The following AFF2 variants were observed in gnomAD, a reference collection of about 807,000 sequenced individuals.
AFF2 encodes ALF transcription elongation factor 2.
Under a neutral mutation model 76.9 loss-of-function variants are expected in AFF2, and 14 were observed. The ratio of observed to expected loss-of-function variants is 0.18; its 90% CI spans 0.12 to 0.28. The LOEUF (loss-of-function observed/expected upper bound fraction) is 0.28, where lower values mean the gene tolerates loss of function less well. Among genes scored for constraint, AFF2 ranks in the 10% least tolerant of loss-of-function variants. AFF2 has a pLI of 1.00. For synonymous variants in AFF2, 398 were observed against 366.7 expected (o/e 1.09, Z -0.98); for missense variants, 868 against 1,001.1 (o/e 0.87, Z 1.79).
chrX:148,865,680 G>T (rs1345384682), intron 7 of AFF2, among the ~76,000 whole-genome samples: 1 of 112,106 alleles, frequency 8.9e-6, no homozygotes, highest in Admixed American at 9.5e-5. Context: ...TTTAAAAAAT[G>T]AGGCAGAGTG....
chrX:148,987,093 G>A (rs1173558843), intron 19 of AFF2, among the ~76,000 whole-genome samples: 2 of 110,926 alleles, frequency 1.8e-5, no homozygotes, highest in Admixed American at 1.9e-4. Flanking sequence ...GTATGGGGTG[G>A]TAATAATCTC....
rs781803440 is a variant in AFF2 at position 148,592,735 on chromosome X, G to A, written c.48-59264G>A. Among the ~76,000 whole-genome samples, 13 of 111,716 alleles carry A rather than the reference G, an allele frequency of 1.2e-4. No individual in the cohort carries two copies. In the South Asian group the frequency reaches 4.8e-3, roughly 41 times the overall value. On this transcript the variant is annotated intron_variant, in intron 1 of 20. Transcript: ENST00000370460. Reference sequence around the variant, plus strand: ...TTCATTAGGGCACTGGCCTACTCCTGTGAGCTAGCTTGATGGGGTTAGGCC... The same window carrying A: ...TTCATTAGGGCACTGGCCTACTCCTATGAGCTAGCTTGATGGGGTTAGGCC...
At chrX:148,737,436 G>T (rs2055298393) in intron 3 of AFF2, among the ~76,000 whole-genome samples, 1 of 111,652 alleles carries the variant, frequency 9.0e-6, no homozygotes, top group Non-Finnish European at 1.9e-5. Flanking sequence ...GTGGTGTATA[G>T]CAGAGCTACT....
chrX:148,618,660 G>T (rs1267317798), intron 1 of AFF2, among the ~76,000 whole-genome samples: 5 of 111,512 alleles, frequency 4.5e-5, no homozygotes, highest in African/African-American at 1.6e-4. Flanking sequence ...GCTTTATGAT[G>T]ACATCAGCAG....
At chrX:148,878,513 G>A (rs2071060219) in intron 7 of AFF2, among the ~76,000 whole-genome samples, 1 of 111,546 alleles carries the variant, frequency 9.0e-6, no homozygotes, top group African/African-American at 3.3e-5. Flanking sequence ...CAAATACCAA[G>A]CCTCGTATAT....
chrX:148,588,889 C>A (rs2053495209), intron 1 of AFF2, among the ~76,000 whole-genome samples: 1 of 111,645 alleles, frequency 9.0e-6, no homozygotes, highest in Non-Finnish European at 1.9e-5. Context: ...TCTCCATGTT[C>A]ACTTTAGAGA....
chrX:148,733,488 G>T (rs1236979585), intron 3 of AFF2, among the ~76,000 whole-genome samples: 4 of 110,899 alleles, frequency 3.6e-5, no homozygotes, highest in Non-Finnish European at 7.5e-5. Flanking sequence ...CTGTGTTAGT[G>T]CTCTGGAAGT....
At chrX:148,703,522 A>T (rs1437307212) in intron 3 of AFF2, among the ~76,000 whole-genome samples, 1 of 112,137 alleles carries the variant, frequency 8.9e-6, no homozygotes, top group African/African-American at 3.2e-5. Flanking sequence ...TTAAAACAGT[A>T]GGTTTATTCT....
chrX:148,935,568 CAG>C (rs1312008224), intron 9 of AFF2, among the ~76,000 whole-genome samples: 1 of 111,425 alleles, frequency 9.0e-6, no homozygotes, highest in African/African-American at 3.3e-5. Context: ...CAACACATAC[CAG>C]ACCTTCCTGA....
chrX:148,940,960 A>G lies in AFF2; in HGVS notation c.1398-12620A>G, dbSNP rs1473379877. On this transcript the variant is annotated intron_variant, in intron 9 of 20. Coordinates refer to ENST00000370460, the MANE Select transcript of AFF2 (RefSeq NM_002025.4). ...AGATTTTCAGGCAGACTAAAGATCT[A>G]GTATTTCCTATGCTGTCATTCAAAA... is the stretch of plus-strand genomic sequence containing the variant. Among the ~76,000 whole-genome samples, 6 of 112,049 alleles carry G rather than the reference A, an allele frequency of 5.4e-5. No homozygotes were observed. In the Admixed American group the frequency reaches 5.7e-4, roughly 11 times the overall value.
At chrX:148,611,332 G>A (rs1557249478) in intron 1 of AFF2, among the ~76,000 whole-genome samples, 1 of 112,168 alleles carries the variant, frequency 8.9e-6, no homozygotes, top group Non-Finnish European at 1.9e-5. Context: ...AGATAGTATG[G>A]TCTAATGGTT....
intron 4 of AFF2, among the ~76,000 whole-genome samples, chrX:148,831,920 TAC>T (rs1279921637): frequency 1.8e-5 from 2 of 111,447 alleles, no homozygotes; most frequent in East Asian, 5.6e-4. Context: ...CACACACACA[TAC>T]ACACACACAC....
intron 1 of AFF2, among the ~76,000 whole-genome samples, chrX:148,645,360 A>G (rs921739012): frequency 8.9e-6 from 1 of 112,430 alleles, no homozygotes; most frequent in Middle Eastern, 4.6e-3. Context: ...TTCATGTTCA[A>G]AGAAGGAAAC....
intron 4 of AFF2, among the ~76,000 whole-genome samples, chrX:148,828,712 T>C (rs2070417384): frequency 8.9e-6 from 1 of 111,967 alleles, no homozygotes; most frequent in Non-Finnish European, 1.9e-5. Context: ...TTGGAGACCT[T>C]TCTTTGCAGT....
intron 3 of AFF2, among the ~76,000 whole-genome samples, chrX:148,711,179 A>G (rs1223975409): frequency 8.9e-6 from 1 of 111,802 alleles, no homozygotes; most frequent in African/African-American, 3.2e-5. Flanking sequence ...TATCATAGTT[A>G]AAAATTTTTC....
rs782726706 is a variant in AFF2, at chrX:148,501,056, G to T, written c.-42G>T. On this transcript the variant is annotated 5_prime_UTR_variant, in exon 1 of 21. Coordinates refer to ENST00000370460, the MANE Select transcript of AFF2 (RefSeq NM_002025.4). ...GCCGAGAGCCGCGCCGACCCGCTGC[G>T]ATCAGGGACAGGCGCCCGCCCGCCG... 8.3e-7 allele frequency: 1 copy of T among 1,199,081 alleles called. No homozygotes were observed. The highest frequency in any genetic ancestry group is 1.1e-6 in the Non-Finnish European group (1 of 890,987).
chrX:148,504,983 G>C (rs1005170673), intron 1 of AFF2, among the ~76,000 whole-genome samples: 10 of 70,464 alleles, frequency 1.4e-4, no homozygotes, highest in African/African-American at 5.7e-4. Flanking sequence ...GTGGTGGGGT[G>C]GGGGGAGGGG....
chrX:148,840,293 T>A (rs1276836573), intron 5 of AFF2, among the ~76,000 whole-genome samples: 1 of 112,129 alleles, frequency 8.9e-6, no homozygotes, highest in Non-Finnish European at 1.9e-5. Context: ...TGAATAATAT[T>A]CACATGAGTG....
At chrX:148,792,130 C>G (rs1327802756) in intron 3 of AFF2, among the ~76,000 whole-genome samples, 1 of 111,213 alleles carries the variant, frequency 9.0e-6, no homozygotes, top group Non-Finnish European at 1.9e-5. Flanking sequence ...AACTGTGGAA[C>G]CTTGGGAAAA....
Sources: gnomAD v4.1 joint callset for allele counts (sites outside exome capture counted in the v4.1 genomes callset) on GRCh38, gnomAD v4.1.1 for gene constraint, MANE v1.5 for transcripts, NCBI Gene and HGNC (gene_info 2026-07-23, HGNC 2026-07-21) for gene names.